PMFBP1: variants seen among roughly 807,000 people sequenced by gnomAD.
The protein encoded by PMFBP1 is polyamine-modulated factor 1-binding protein 1.
In PMFBP1, 131 loss-of-function variants were observed where a neutral mutation model predicts 137.8. The observed-to-expected ratio is 0.95, with a 90% CI of 0.82 to 1.10. The LOEUF (loss-of-function observed/expected upper bound fraction) is 1.10. Among genes scored for constraint, PMFBP1 ranks in the 50% least tolerant of loss-of-function variants. The pLI, the probability that PMFBP1 is intolerant of heterozygous loss-of-function variation, is 0.00. For synonymous variants in PMFBP1, 490 were observed against 450.4 expected (o/e 1.09, Z -1.11); for missense variants, 1,199 against 1,175.4 (o/e 1.02, Z -0.29).
the PMFBP1 span, among the ~76,000 whole-genome samples, chr16:72,203,699 G>T: frequency 6.6e-6 from 1 of 152,110 alleles, no homozygotes; most frequent in South Asian, 2.1e-4. Context: ...CAGTTTCCTT[G>T]GTGCCCTGGT....
chr16:72,130,327 G>A lies in PMFBP1; in HGVS notation c.1668C>T (p.Leu556=). 1 of 1,614,210 alleles carries A rather than the reference G, an allele frequency of 6.2e-7. No individual in the cohort carries two copies. The highest frequency in any genetic ancestry group is 1.1e-5 in the South Asian group (1 of 91,084). ...RKRVEELSLE[L]SEALRKLENS... ...TTTCAAGCTTCCTCAGGGCTTCAGA[G>A]AGTTCTAATGACAGCTCCTCCACCC... Residue 556 remains leucine, a synonymous_variant, in exon 12 of 21, where the codon CTC becomes CTT. Coordinates refer to ENST00000237353, the MANE Select transcript of PMFBP1 (RefSeq NM_031293.3).
chr16:72,150,138 T>C (rs1207203578), intron 5 of PMFBP1, among the ~76,000 whole-genome samples: 1 of 152,228 alleles, frequency 6.6e-6, no homozygotes, highest in South Asian at 2.1e-4. Flanking sequence ...GATCCTGAAG[T>C]TGTGGTTTGC....
At chr16:72,209,425 CATAT>C in the PMFBP1 span, among the ~76,000 whole-genome samples, 2 of 151,806 alleles carry the variant, frequency 1.3e-5, no homozygotes, top group Admixed American at 6.6e-5. Flanking sequence ...ATATTGTTAT[CATAT>C]ATAGTTATCT....
At chr16:72,128,278 G>T in intron 14 of PMFBP1, 1 of 881,168 alleles carries the variant, frequency 1.1e-6, no homozygotes, top group Non-Finnish European at 1.5e-6. Context: ...CTTGTGTAAT[G>T]AAAAATAACT....
At chr16:72,128,364 G>A in intron 14 of PMFBP1, 5 of 1,341,756 alleles carry the variant, frequency 3.7e-6, no homozygotes, top group Non-Finnish European at 4.8e-6. Flanking sequence ...CCCCCAAAAT[G>A]GATTCACTCA....
At chr16:72,139,770 T>G (rs893025566) in intron 6 of PMFBP1, among the ~76,000 whole-genome samples, 3 of 152,030 alleles carry the variant, frequency 2.0e-5, no homozygotes, top group Non-Finnish European at 4.4e-5. Flanking sequence ...CCTTATGGAG[T>G]GTGTAATTGT....
the PMFBP1 span, among the ~76,000 whole-genome samples, chr16:72,226,086 A>C: frequency 6.6e-6 from 1 of 152,070 alleles, no homozygotes; most frequent in African/African-American, 2.4e-5. Context: ...GGTCATCCCC[A>C]GCTGAAGACT....
the PMFBP1 span, among the ~76,000 whole-genome samples, chr16:72,218,380 T>G: frequency 1.3e-5 from 2 of 151,964 alleles, no homozygotes; most frequent in African/African-American, 4.8e-5. Flanking sequence ...CAGGCTGGAG[T>G]GCAGTGGCGC....
intron 3 of PMFBP1, among the ~76,000 whole-genome samples, chr16:72,155,495 C>G (rs747491318): frequency 1.3e-5 from 2 of 152,138 alleles, no homozygotes; most frequent in African/African-American, 4.8e-5. Context: ...ATTATAAACT[C>G]CTGGAGGGCA....
At chr16:72,124,105 C>T (rs1042727079) in intron 17 of PMFBP1, among the ~76,000 whole-genome samples, 15 of 152,256 alleles carry the variant, frequency 9.9e-5, no homozygotes, top group East Asian at 1.9e-4. Flanking sequence ...ACCTCCCCCC[C>T]GGCTCAAGCT....
chr16:72,138,413 G>C (rs1177099504), intron 7 of PMFBP1, among the ~76,000 whole-genome samples: 2 of 152,234 alleles, frequency 1.3e-5, no homozygotes, highest in South Asian at 2.1e-4. Context: ...CCTGTGGCTG[G>C]CTTTGCCAGG....
the PMFBP1 span, among the ~76,000 whole-genome samples, chr16:72,189,461 G>T: frequency 6.6e-6 from 1 of 152,234 alleles, no homozygotes; most frequent in East Asian, 1.9e-4. Context: ...TGGGGTGTGA[G>T]TGCCAATCTT....
the PMFBP1 span, among the ~76,000 whole-genome samples, chr16:72,198,120 C>T: frequency 1.3e-5 from 2 of 152,072 alleles, no homozygotes; most frequent in Non-Finnish European, 2.9e-5. Flanking sequence ...AATTTCCAAG[C>T]GTATGACAGG....
At chr16:72,237,629 T>A in the PMFBP1 span, among the ~76,000 whole-genome samples, 1 of 152,192 alleles carries the variant, frequency 6.6e-6, no homozygotes, top group Non-Finnish European at 1.5e-5. Context: ...TAGCCAACTC[T>A]ATATGTCTTT....
chr16:72,139,217 A>G, intron 7 of PMFBP1, 72 bp downstream of exon 7: 1 of 1,038,482 alleles, frequency 9.6e-7, no homozygotes, highest in Non-Finnish European at 1.4e-6. Context: ...AATAAAAAAT[A>G]AGTAGGAAAG....
chr16:72,181,771 T>C (rs761106877), upstream of PMFBP1, among the ~76,000 whole-genome samples: 4 of 152,210 alleles, frequency 2.6e-5, no homozygotes, highest in African/African-American at 4.8e-5. Context: ...GTTTAGATAA[T>C]ATAGCCTTTT....
the PMFBP1 span, among the ~76,000 whole-genome samples, chr16:72,209,424 T>C: frequency 1.3e-5 from 2 of 152,104 alleles, no homozygotes; most frequent in Non-Finnish European, 2.9e-5. Flanking sequence ...TATATTGTTA[T>C]CATATATAGT....
chr16:72,164,628 T>G (rs2043116488), intron 3 of PMFBP1, 136 bp downstream of exon 3: 3 of 1,283,328 alleles, frequency 2.3e-6, no homozygotes, highest in Non-Finnish European at 3.2e-6. Context: ...TGTTTAATTC[T>G]CTTAATTCTC....
chr16:72,154,610 C>T (rs2042955019), intron 3 of PMFBP1, 151 bp from the exon 4 acceptor site: 6 of 947,108 alleles, frequency 6.3e-6, no homozygotes, highest in Middle Eastern at 3.4e-4. Flanking sequence ...AAACATTTCA[C>T]TCTATTCACA....
Sources: gnomAD v4.1 joint callset for allele counts (sites outside exome capture counted in the v4.1 genomes callset) on GRCh38, gnomAD v4.1.1 for gene constraint, MANE v1.5 for transcripts, NCBI Gene and HGNC (gene_info 2026-07-23, HGNC 2026-07-21) for gene names.